The following SUMF1 variants were observed in gnomAD, a reference collection of about 807,000 sequenced individuals.
SUMF1 encodes the protein formylglycine-generating enzyme.
In SUMF1, 48 loss-of-function variants were observed where a neutral mutation model predicts 47.6. The observed-to-expected ratio is 1.01, with a 90% CI of 0.80 to 1.28. The LOEUF is 1.28. Ranked by LOEUF, SUMF1 falls within the 50% of genes most tolerant of loss-of-function variation. The pLI is 0.00. For synonymous variants in SUMF1, 230 were observed against 192.1 expected, an observed-to-expected ratio of 1.20 and a Z score of -1.63; for missense variants, 571 against 485.4, an observed-to-expected ratio of 1.18 and a Z score of -1.66.
At chr3:4,435,475 TAAA>T (rs1305274386) in intron 3 of SUMF1, among the ~76,000 whole-genome samples, 1 of 151,950 alleles carries the variant, frequency 6.6e-6, no homozygotes, top group Non-Finnish European at 1.5e-5. Context: ...GATTGGTGTT[TAAA>T]AAAAGTGAAA....
At chr3:4,451,816 T>A (rs978750473) in intron 2 of SUMF1, among the ~76,000 whole-genome samples, 4 of 152,172 alleles carry the variant, frequency 2.6e-5, no homozygotes, top group African/African-American at 9.7e-5. Flanking sequence ...CCCAAGTAGC[T>A]GGGACTACGG....
Position 4,169,181 on chromosome 3 carries a change from T to C in SUMF1, c.1015-100436A>G, listed in dbSNP as rs77925717. Among the ~76,000 whole-genome samples, 156 of 152,312 alleles carry C rather than the reference T, an allele frequency of 1.0e-3. 2 individuals carry two copies. Among genetic ancestry groups the C allele is most frequent in the African/African-American group, 3.6e-3 (148 of 41,552 alleles). On this transcript the variant is annotated intron_variant and NMD_transcript_variant, in intron 8 of 12. Transcript: ENST00000448413. ...GGCAAATTCACATGTGAAGATTCTA[T>C]CTACAACAGCTGCTATTAAACTTCA... is the stretch of plus-strand genomic sequence containing the variant.
chr3:4,369,036 G>A (rs1700082995), intron 8 of SUMF1, among the ~76,000 whole-genome samples: 2 of 118,330 alleles, frequency 1.7e-5, no homozygotes, highest in Admixed American at 1.6e-4. Flanking sequence ...AGATAAGTTG[G>A]CATGCAAAAG....
chr3:4,389,725 C>A (rs575294868), intron 7 of SUMF1, among the ~76,000 whole-genome samples: 21 of 152,136 alleles, frequency 1.4e-4, no homozygotes, highest in Admixed American at 1.4e-3. Flanking sequence ...ATTTTTCCCC[C>A]CTCTGTGCCC....
At chr3:4,414,302 G>C (rs1701637452) in intron 6 of SUMF1, among the ~76,000 whole-genome samples, 1 of 152,202 alleles carries the variant, frequency 6.6e-6, no homozygotes, top group Admixed American at 6.5e-5. Flanking sequence ...CTGCACTCCA[G>C]CCTGGGCAAC....
intron 8 of SUMF1, among the ~76,000 whole-genome samples, chr3:4,141,079 G>A (rs1694061039): frequency 6.6e-6 from 1 of 152,112 alleles, no homozygotes. Flanking sequence ...CATATAATGA[G>A]ATTAGTATTT....
chr3:4,227,078 G>A (rs544284012), intron 8 of SUMF1, among the ~76,000 whole-genome samples: 4 of 152,018 alleles, frequency 2.6e-5, no homozygotes, highest in South Asian at 2.1e-4. Context: ...AACAACCCCT[G>A]CCCCATTCTA....
At chr3:4,243,759 T>G (rs1696598328) in intron 8 of SUMF1, among the ~76,000 whole-genome samples, 1 of 152,214 alleles carries the variant, frequency 6.6e-6, no homozygotes, top group Non-Finnish European at 1.5e-5. Flanking sequence ...GTTGAAGAGT[T>G]CTGAAGATAT....
chr3:4,387,313 T>C (rs186394041), intron 7 of SUMF1, among the ~76,000 whole-genome samples: 1 of 152,182 alleles, frequency 6.6e-6, no homozygotes, highest in African/African-American at 2.4e-5. Flanking sequence ...TCATATTGGG[T>C]AAACTGTGGT....
At position 4,362,238 on chromosome 3, in the gene SUMF1, T is replaced by C; in HGVS notation, c.1031A>G (p.Tyr344Cys). 2.5e-6 allele frequency: 4 copies of C among 1,614,142 alleles called. No individual in the cohort carries two copies. The highest frequency in any genetic ancestry group is 3.4e-6 in the Non-Finnish European group (4 of 1,179,982). Residue 344 changes from tyrosine to cysteine, a missense_variant, in exon 9 of 9, where the codon TAT becomes TGT. By Grantham distance (194) the Tyr-to-Cys change is radical (BLOSUM62 -2). Coordinates refer to ENST00000272902, the MANE Select transcript of SUMF1 (RefSeq NM_182760.4). The stretch of plus-strand genomic sequence containing the variant: ...GTTCTGGCTCCGAGCAGCACAGCGA[T>C]ACCTGTAACAATAAGACTGTGTAGA... ...YMCHRSYCYR[Y>C]RCAARSQNTP...
chr3:4,178,043 T>G (rs1044439387), intron 8 of SUMF1, among the ~76,000 whole-genome samples: 1 of 152,028 alleles, frequency 6.6e-6, no homozygotes, highest in Non-Finnish European at 1.5e-5. Flanking sequence ...ATTGAGGGAA[T>G]AGTTAAGAGC....
At chr3:4,277,244 G>A (rs1338111693) in intron 8 of SUMF1, among the ~76,000 whole-genome samples, 1 of 151,894 alleles carries the variant, frequency 6.6e-6, no homozygotes, top group East Asian at 1.9e-4. Flanking sequence ...ATTTAACAAA[G>A]GAGAAAAATA....
chr3:4,376,230 T>A (rs568450038), intron 8 of SUMF1, 100 bp downstream of exon 8: 5 of 1,415,048 alleles, frequency 3.5e-6, no homozygotes, highest in Non-Finnish European at 4.0e-6. Context: ...AGGTAGGCAT[T>A]TGCAGAAGTG....
chr3:4,380,620 G>C (rs1274926139), intron 7 of SUMF1, among the ~76,000 whole-genome samples: 1 of 152,086 alleles, frequency 6.6e-6, no homozygotes, highest in Non-Finnish European at 1.5e-5. Context: ...AAAACATATG[G>C]AACATAGGGA....
chr3:4,255,823 C>T (rs1267540036), intron 8 of SUMF1, among the ~76,000 whole-genome samples: 8 of 94,844 alleles, frequency 8.4e-5, no homozygotes, highest in African/African-American at 3.0e-4. Flanking sequence ...TTTTTTTCAG[C>T]ACCACACCAC....
chr3:4,201,227 CT>C (rs1224786381), intron 8 of SUMF1, among the ~76,000 whole-genome samples: 1 of 152,008 alleles, frequency 6.6e-6, no homozygotes, highest in Non-Finnish European at 1.5e-5. Context: ...AATACTAGAT[CT>C]TATTTATTCT....
At chr3:4,088,077 T>G (rs1692708689) in intron 8 of SUMF1, among the ~76,000 whole-genome samples, 1 of 152,068 alleles carries the variant, frequency 6.6e-6, no homozygotes, top group Non-Finnish European at 1.5e-5. Context: ...GGCTGATACG[T>G]CAGTGAGATG....
intron 8 of SUMF1, among the ~76,000 whole-genome samples, chr3:4,117,237 T>C (rs948325730): frequency 6.6e-6 from 1 of 152,134 alleles, no homozygotes; most frequent in Non-Finnish European, 1.5e-5. Flanking sequence ...TTATCTTTCT[T>C]ACTTTATAAG....
chr3:4,398,662 A>T (rs1056681068), intron 7 of SUMF1, among the ~76,000 whole-genome samples: 18 of 152,200 alleles, frequency 1.2e-4, no homozygotes, highest in Admixed American at 5.2e-4. Flanking sequence ...TGGAAATAAG[A>T]GGTTAGGAAG....
Sources: gnomAD v4.1 joint callset for allele counts (sites outside exome capture counted in the v4.1 genomes callset) on GRCh38, gnomAD v4.1.1 for gene constraint, MANE v1.5 for transcripts, NCBI Gene and HGNC (gene_info 2026-07-23, HGNC 2026-07-21) for gene names.